The following KCNH2 variants were observed in gnomAD, a reference collection of about 807,000 sequenced individuals.
The protein encoded by KCNH2 is voltage-gated inwardly rectifying potassium channel KCNH2.
A neutral mutation model predicts 95.9 loss-of-function variants in KCNH2; 35 were observed. The observed-to-expected ratio is 0.37, with a 90% CI of 0.28 to 0.48. The LOEUF (loss-of-function observed/expected upper bound fraction) is 0.48, where lower values mean the gene tolerates loss of function less well. Among genes scored for constraint, KCNH2 ranks in the 20% least tolerant of loss-of-function variants. The probability of loss-of-function intolerance (pLI) is 0.99; values close to 1 mark genes in which losing one functional copy is unlikely to be tolerated. For missense variants in KCNH2, 1,274 were observed against 1,702.9 expected, an observed-to-expected ratio of 0.75 and a Z score of 4.43; for synonymous variants, 786 against 754.7, an observed-to-expected ratio of 1.04 and a Z score of -0.68.
intron 3 of KCNH2, among the ~76,000 whole-genome samples, chr7:150,958,854 G>A (rs1022207927): frequency 2.0e-5 from 3 of 152,220 alleles, no homozygotes; most frequent in African/African-American, 7.2e-5. Context: ...TGGGGCCTGC[G>A]CCTAAGTGGG....
Position 150,957,333 on chromosome 7 carries a change from C to T in KCNH2, c.1086G>A (p.Lys362=). The T allele has an allele frequency of 6.2e-7, 1 of 1,607,342 alleles. No individual in the cohort carries two copies. The highest frequency in any genetic ancestry group is 8.5e-7 in the Non-Finnish European group (1 of 1,176,910). The change falls in exon 5 of 15, where the codon AAG becomes AAA. Residue 362 remains lysine (K), a synonymous_variant. Transcript: ENST00000262186. ...TGACATTGTGGGTTCGCTCCTTTAT[C>T]TTAGGTGCTATGATCTCACGGTCAC... ...PTSDREIIAP[K]IKERTHNVTE...
rs41307325 is a variant in KCNH2 at position 150,962,220 on chromosome 7, C to T, written c.308-2484G>A. 6.6e-6 allele frequency among the ~76,000 whole-genome samples: 1 copy of T among 152,186 alleles called. No homozygotes were observed. The highest frequency in any genetic ancestry group is 2.1e-4 in the South Asian group (1 of 4,824). ...GCCGGCAGCGGCCTGAACAGGGATGCGCCTCACCAGGACTGAGGAGAGGCT... is the reference window on the plus strand; with the variant it reads ...GCCGGCAGCGGCCTGAACAGGGATGTGCCTCACCAGGACTGAGGAGAGGCT... On this transcript the variant is annotated intron_variant, in intron 2 of 14. Transcript: ENST00000262186. This position sits in a 1 kb window ranked among gnomAD's most constrained non-coding sequence, Gnocchi z 5.7.
At chr7:150,973,015 G>A (rs1043944692) in intron 2 of KCNH2, among the ~76,000 whole-genome samples, 3 of 152,212 alleles carry the variant, frequency 2.0e-5, no homozygotes, top group Admixed American at 2.0e-4. Flanking sequence ...ACGGCCCGTT[G>A]CAGGCACTCT....
rs878853771 is a variant in KCNH2, at chr7:150,952,503, G to A, written c.1479C>T (p.Tyr493=). The A allele has an allele frequency of 6.2e-7, 1 of 1,614,158 alleles. No individual in the cohort carries two copies. Among genetic ancestry groups the A allele is most frequent in the South Asian group, 1.1e-5 (1 of 91,074 alleles). ...VSHPGRIAVH[Y]FKGWFLIDMV... ...TGTCGATGAGGAACCAGCCCTTGAA[G>A]TAGTGGACGGCGATGCGGCCGGGGT... The change falls in exon 6 of 15, where the codon TAC becomes TAT. Residue 493 remains tyrosine (Y), a synonymous_variant. Coordinates refer to ENST00000262186, the MANE Select transcript of KCNH2 (RefSeq NM_000238.4). This position sits in a 1 kb window ranked among gnomAD's most constrained non-coding sequence, Gnocchi z 7.3.
At chr7:150,976,129 G>A (rs767514359) in intron 1 of KCNH2, among the ~76,000 whole-genome samples, 3 of 152,326 alleles carry the variant, frequency 2.0e-5, no homozygotes, top group Non-Finnish European at 4.4e-5. Context: ...GTAATGCTGG[G>A]GCTTTCAGTA....
In KCNH2 at chr7:150,947,798, C is replaced by T. The variant is rs199473010; in HGVS notation, c.2773G>A (p.Gly925Arg). The T allele has an allele frequency of 6.5e-7, 1 of 1,532,638 alleles. No individual in the cohort carries two copies. The highest frequency in any genetic ancestry group is 2.5e-5 in the East Asian group (1 of 40,796). 94.9% of individuals were successfully genotyped at this position (1,532,638 alleles called of 1,614,324 possible). A position where few individuals can be genotyped will look rare whatever the true frequency, so the allele number is the denominator to read the frequency against. Residue 925 changes from glycine (G) to arginine (R), a missense_variant, in exon 12 of 15, where the codon GGG (glycine) becomes AGG (arginine). Around this residue, in one of 7 missense-constraint regions of KCNH2, gnomAD observed 457 missense variants for 416.1 expected, o/e 1.10. Coordinates refer to ENST00000262186, the MANE Select transcript of KCNH2 (RefSeq NM_000238.4). ...CTGGACGGGCTCTCCCCCCACGGCC[C>T]CCCCGGCCGGCCCCGGCTACTCGGC... The part of the protein sequence containing the change: ...AGPSSRGRPG[G>R]PWGESPSSGP...
At position 150,958,448 on chromosome 7, in the gene KCNH2, C is replaced by CGGGCCGTCA; in HGVS notation, c.518_526dup (p.Leu173_Ala175dup). The CGGGCCGTCA allele has an allele frequency of 6.8e-7, 1 of 1,466,570 alleles. No homozygotes were observed. Among genetic ancestry groups the CGGGCCGTCA allele is most frequent in the Non-Finnish European group, 9.0e-7 (1 of 1,115,708 alleles). 90.8% of individuals were successfully genotyped at this position (1,466,570 alleles called of 1,614,324 possible). ...GCCGCCCGACCGCACCGACGACTCC[C>CGGGCCGTCA]GGGCCGTCAGCGCCAGCAGCGCGGG... is the stretch of plus-strand genomic sequence containing the variant. On this transcript the variant is annotated inframe_insertion, in exon 4 of 15. Coordinates refer to ENST00000262186, the MANE Select transcript of KCNH2 (RefSeq NM_000238.4).
intron 1 of KCNH2, among the ~76,000 whole-genome samples, 170 bp downstream of exon 1, chr7:150,977,668 T>C (rs1040240061): frequency 1.5e-5 from 2 of 134,386 alleles, no homozygotes; most frequent in African/African-American, 5.6e-5. Context: ...ACGGCCCCGG[T>C]GCACCAAGCC....
At chr7:150,965,112 C>T (rs189991181) in intron 2 of KCNH2, among the ~76,000 whole-genome samples, 2 of 152,106 alleles carry the variant, frequency 1.3e-5, no homozygotes, top group Non-Finnish European at 2.9e-5. Flanking sequence ...CAGTCCTAAG[C>T]TCCTGCCTCC....
chr7:150,963,175 C>G (rs1369616779), intron 2 of KCNH2, among the ~76,000 whole-genome samples: 1 of 152,204 alleles, frequency 6.6e-6, no homozygotes, highest in African/African-American at 2.4e-5. Flanking sequence ...CCCACACTCC[C>G]GAGGCAGCCA....
intron 2 of KCNH2, among the ~76,000 whole-genome samples, chr7:150,969,016 A>T (rs774991459): frequency 6.6e-6 from 1 of 152,190 alleles, no homozygotes; most frequent in Non-Finnish European, 1.5e-5. Context: ...CTATGATCCC[A>T]CTTAGCAAAC....
At position 150,958,070 on chromosome 7, in the gene KCNH2, T is replaced by C. The variant is rs1801437119; in HGVS notation, c.905A>G (p.His302Arg). ...CGCGGCGCCCTCACCGGTGCTGGCG[T>C]GGCGCGGTGGCGGGGGCAGCACCCC... ...RAGVLPPPPR[H>R]ASTGAMHPLR... is the part of the protein sequence containing the mutation. The change falls in exon 4 of 15, where the codon CAC becomes CGC. Residue 302 changes from histidine (H) to arginine (R), a missense_variant. Transcript: ENST00000262186. The C allele has an allele frequency of 7.8e-7, 1 of 1,273,956 alleles. No homozygotes were observed. Among genetic ancestry groups the C allele is most frequent in the South Asian group, 2.9e-5 (1 of 34,188 alleles). 78.9% of individuals were successfully genotyped at this position (1,273,956 alleles called of 1,614,324 possible). A position where few individuals can be genotyped will look rare whatever the true frequency, so the allele number is the denominator to read the frequency against.
rs1313670262 is a variant in KCNH2, at chr7:150,946,126, G to T, written c.3331-612C>A. On this transcript the variant is annotated intron_variant, in intron 14 of 14. Coordinates refer to ENST00000262186, the MANE Select transcript of KCNH2 (RefSeq NM_000238.4). This position sits in a 1 kb window ranked among gnomAD's most constrained non-coding sequence, Gnocchi z 6.5. ...CAGCATATGGGAGGGGGGAGCGGAT[G>T]CCAAGGGAAGTGGGGAGGGAGCAGA... 6.6e-6 allele frequency among the ~76,000 whole-genome samples: 1 copy of T among 152,136 alleles called. No homozygotes were observed. The highest frequency in any genetic ancestry group is 1.5e-5 in the Non-Finnish European group (1 of 68,018).
At chr7:150,959,809 C>T in intron 2 of KCNH2, 73 bp from the exon 3 acceptor site, 1 of 1,574,546 alleles carries the variant, frequency 6.4e-7, no homozygotes, top group African/African-American at 1.3e-5. Context: ...CAGGATGGAC[C>T]CTGGAACCCA....
chr7:150,948,662 C>G, intron 10 of KCNH2, 119 bp from the exon 11 acceptor site: 2 of 1,114,600 alleles, frequency 1.8e-6, no homozygotes, highest in South Asian at 1.3e-5. Flanking sequence ...TCTGGGAAAA[C>G]CCTTCCCTGC....
Position 150,962,014 on chromosome 7 carries a change from G to A in KCNH2, c.308-2278C>T, listed in dbSNP as rs41313095. On this transcript the variant is annotated intron_variant, in intron 2 of 14. Coordinates refer to ENST00000262186, the MANE Select transcript of KCNH2 (RefSeq NM_000238.4). The surrounding 1 kb of genome is among the most constrained non-coding windows in gnomAD (Gnocchi z 5.7). ...CCACATCCCAGACCCTCACAGCCCC[G>A]CCCGAGGGCCCTGAGCTCTGGGGCT... Among the ~76,000 whole-genome samples the A allele has an allele frequency of 6.7e-3, 1,018 of 152,248 alleles. 6 individuals carry two copies. Among genetic ancestry groups the A allele is most frequent in the Non-Finnish European group, 9.3e-3 (631 of 68,026 alleles).
At chr7:150,975,568 A>G (rs1801963265) in intron 1 of KCNH2, among the ~76,000 whole-genome samples, 1 of 152,138 alleles carries the variant, frequency 6.6e-6, no homozygotes, top group African/African-American at 2.4e-5. Flanking sequence ...GAGGGAAGTT[A>G]CACGTTGAAC....
chr7:150,949,491 G>A (rs573979709), intron 9 of KCNH2: 3 of 745,542 alleles, frequency 4.0e-6, no homozygotes, highest in South Asian at 8.3e-5. Context: ...ATGCTAGAAT[G>A]AACCACATGC....
intron 9 of KCNH2, chr7:150,949,655 C>T (rs1584849132): frequency 5.3e-6 from 6 of 1,127,790 alleles, no homozygotes; most frequent in Middle Eastern, 4.0e-4. Context: ...CACACAGGGC[C>T]GAGGGAAGGA....
Sources: allele counts gnomAD v4.1 joint callset (sites outside exome capture counted in the v4.1 genomes callset), GRCh38; gene constraint gnomAD v4.1.1; regional missense constraint gnomAD v4.1.1; non-coding constraint Gnocchi (gnomAD v3.1); transcripts MANE v1.5; gene names NCBI Gene and HGNC (gene_info 2026-07-23, HGNC 2026-07-21).